Variants in ZC3H12B observed in about 807,000 individuals in gnomAD.
The protein encoded by ZC3H12B is zinc finger CCCH-type containing 12B.
In ZC3H12B, 7 loss-of-function variants were observed where a neutral mutation model predicts 43.9. The observed-to-expected ratio is 0.16, with a 90% CI of 0.09 to 0.30. ZC3H12B has a LOEUF of 0.30. Ranked by LOEUF, ZC3H12B falls within the 10% of genes least tolerant of loss-of-function variation. ZC3H12B has a pLI of 1.00. For synonymous variants in ZC3H12B, 222 were observed against 241.7 expected (o/e 0.92, Z 0.76); for missense variants, 475 against 670.2 (o/e 0.71, Z 3.22).
intron 2 of ZC3H12B, among the ~76,000 whole-genome samples, chrX:65,384,117 C>G (rs1288451492): frequency 2.0e-5 from 2 of 101,830 alleles, no homozygotes; most frequent in Non-Finnish European, 4.0e-5. Flanking sequence ...TTGGAACCAA[C>G]CCAAATGTCC....
At chrX:65,499,964 G>A in exon 4 of ZC3H12B, 1 of 1,210,220 alleles carries the variant, frequency 8.3e-7, no homozygotes. Flanking sequence ...TTGTTCCTGA[G>A]CATAAGAAGC....
chrX:65,341,329 G>C, the ZC3H12B span, among the ~76,000 whole-genome samples: 9 of 111,838 alleles, frequency 8.0e-5, no homozygotes, highest in African/African-American at 2.9e-4. Flanking sequence ...AGATACAGAG[G>C]CCAACATTCA....
chrX:65,491,969 A>C (rs2068211238), intron 1 of ZC3H12B, among the ~76,000 whole-genome samples: 1 of 110,298 alleles, frequency 9.1e-6, no homozygotes, highest in Admixed American at 9.7e-5. Flanking sequence ...GTCTGTGTTC[A>C]AAAGGCCAAA....
At chrX:65,043,495 A>T in the ZC3H12B span, among the ~76,000 whole-genome samples, 87 of 110,336 alleles carry the variant, frequency 7.9e-4, 2 homozygotes, top group Admixed American at 8.5e-3. Flanking sequence ...AAGTTAATAC[A>T]AAATATTAAT....
the ZC3H12B span, among the ~76,000 whole-genome samples, chrX:65,277,753 C>CA: frequency 1.8e-5 from 2 of 111,026 alleles, no homozygotes; most frequent in Admixed American, 1.9e-4. Flanking sequence ...ATTCTCACAT[C>CA]AAAAAACTGG....
intron 1 of ZC3H12B, 138 bp from the exon 7 acceptor site, chrX:65,496,990 AAAGG>A: frequency 1.9e-6 from 1 of 533,578 alleles, no homozygotes; most frequent in East Asian, 4.2e-5. Flanking sequence ...AAAAGAAGCA[AAAGG>A]AAGAAAGAAA....
the ZC3H12B span, among the ~76,000 whole-genome samples, chrX:65,143,514 C>A: frequency 1.4e-4 from 15 of 108,967 alleles, no homozygotes; most frequent in African/African-American, 4.7e-4. Flanking sequence ...GTATGTTAAA[C>A]CATCCCTGCA....
the ZC3H12B span, among the ~76,000 whole-genome samples, chrX:65,144,541 G>C: frequency 1.8e-5 from 2 of 111,187 alleles, no homozygotes; most frequent in African/African-American, 6.6e-5. Context: ...TGTTTCTCTA[G>C]TTCCTTGAGG....
At chrX:65,077,314 C>T in the ZC3H12B span, among the ~76,000 whole-genome samples, 1 of 111,827 alleles carries the variant, frequency 8.9e-6, no homozygotes, top group African/African-American at 3.3e-5. Flanking sequence ...TAATAGAAGA[C>T]TAAGAGATGG....
chrX:65,057,174 A>G, the ZC3H12B span, among the ~76,000 whole-genome samples: 2 of 111,922 alleles, frequency 1.8e-5, no homozygotes, highest in South Asian at 7.4e-4. Context: ...GTTTCTTCCT[A>G]GCCTTGATGG....
chrX:65,415,315 G>A (rs1188288007), intron 3 of ZC3H12B, among the ~76,000 whole-genome samples: 2 of 112,504 alleles, frequency 1.8e-5, no homozygotes, highest in African/African-American at 6.4e-5. Flanking sequence ...ATTCTCTCCT[G>A]GATGGAGGAA....
chrX:65,051,846 C>A, the ZC3H12B span, among the ~76,000 whole-genome samples: 2 of 110,347 alleles, frequency 1.8e-5, no homozygotes, highest in East Asian at 5.7e-4. Context: ...GGGATGAAAT[C>A]ACAGGGGTAC....
chrX:65,393,711 A>G (rs749364578), intron 2 of ZC3H12B, among the ~76,000 whole-genome samples: 2 of 112,141 alleles, frequency 1.8e-5, no homozygotes, highest in Non-Finnish European at 3.8e-5. Context: ...TTGGGTATAT[A>G]CCCAGTAATG....
At chrX:65,157,152 TG>T in the ZC3H12B span, among the ~76,000 whole-genome samples, 1 of 110,661 alleles carries the variant, frequency 9.0e-6, no homozygotes, top group Non-Finnish European at 1.9e-5. Flanking sequence ...GGCTGATTTT[TG>T]TATTTTTTGT....
chrX:65,407,889 A>ACGGGAG (rs769772818), intron 3 of ZC3H12B, among the ~76,000 whole-genome samples: 68 of 113,645 alleles, frequency 6.0e-4, no homozygotes, highest in Non-Finnish European at 1.1e-3. Context: ...GCCCGCACCG[A>ACGGGAG]CGGGAGCGGG....
chrX:65,152,976 A>G, the ZC3H12B span, among the ~76,000 whole-genome samples: 3 of 112,077 alleles, frequency 2.7e-5, no homozygotes, highest in Non-Finnish European at 5.6e-5. Flanking sequence ...AACACAAGCA[A>G]TGGGGAAAGG....
chrX:65,221,022 A>C, the ZC3H12B span, among the ~76,000 whole-genome samples: 7 of 112,019 alleles, frequency 6.2e-5, no homozygotes, highest in Non-Finnish European at 9.4e-5. Context: ...CAGTGGAATA[A>C]AATTGAAAAT....
chrX:65,163,762 G>A, the ZC3H12B span, among the ~76,000 whole-genome samples: 1 of 111,387 alleles, frequency 9.0e-6, no homozygotes, highest in African/African-American at 3.3e-5. Context: ...GCTCACGCAT[G>A]TTGCACTGCA....
chrX:65,069,954 C>A, the ZC3H12B span, among the ~76,000 whole-genome samples: 2 of 110,502 alleles, frequency 1.8e-5, no homozygotes, highest in Non-Finnish European at 3.8e-5. Flanking sequence ...ATGATGCTGG[C>A]CTCATATAAA....
Sources: allele counts gnomAD v4.1 joint callset (sites outside exome capture counted in the v4.1 genomes callset), GRCh38; gene constraint gnomAD v4.1.1; transcripts MANE v1.5; gene names NCBI Gene and HGNC (gene_info 2026-07-23, HGNC 2026-07-21).